The following CRYBG3 variants were observed in gnomAD, a reference collection of about 807,000 sequenced individuals.
CRYBG3 encodes very large A-kinase anchor protein.
Under a neutral mutation model 244.2 loss-of-function variants are expected in CRYBG3, and 127 were observed. The ratio of observed to expected loss-of-function variants is 0.52; its 90% CI spans 0.45 to 0.60. The LOEUF is 0.60. Ranked by LOEUF, CRYBG3 falls within the 20% of genes least tolerant of loss-of-function variation. CRYBG3 has a pLI of 0.00. For synonymous variants in CRYBG3, 1,132 were observed against 1,195.8 expected (o/e 0.95, Z 1.10); for missense variants, 3,325 against 3,442.5 (o/e 0.97, Z 0.85).
At chr3:97,896,786 A>G (rs1387210741) in intron 12 of CRYBG3, among the ~76,000 whole-genome samples, 1 of 152,150 alleles carries the variant, frequency 6.6e-6, no homozygotes, top group Non-Finnish European at 1.5e-5. Flanking sequence ...AAACCCTTAC[A>G]ATGTGAAGGA....
intron 3 of CRYBG3, among the ~76,000 whole-genome samples, chr3:97,868,754 T>C (rs2039266714): frequency 6.6e-6 from 1 of 152,174 alleles, no homozygotes; most frequent in South Asian, 2.1e-4. Flanking sequence ...CTGTGGTCTA[T>C]TAGAAGTCCT....
Position 97,933,841 on chromosome 3 carries a change from T to C in CRYBG3, c.8381+8T>C. On this transcript the variant is annotated splice_region_variant and intron_variant, in intron 18 of 21. Coordinates refer to ENST00000389622, the MANE Select transcript of CRYBG3 (RefSeq NM_153605.4). ...GTGGGTAAAAAGTGGACTGTAAGTA[T>C]GGGAAAAAGGCTTGGTCTGGTTCAG... The C allele has an allele frequency of 6.2e-7, 1 of 1,609,980 alleles. No individual in the cohort carries two copies. The highest frequency in any genetic ancestry group is 8.5e-7 in the Non-Finnish European group (1 of 1,177,758).
chr3:97,930,437 T>C (rs1161342909), intron 17 of CRYBG3, among the ~76,000 whole-genome samples: 1 of 152,094 alleles, frequency 6.6e-6, no homozygotes, highest in Non-Finnish European at 1.5e-5. Flanking sequence ...ATGCTTCCAA[T>C]TTATTTTGCA....
At chr3:97,937,738 G>T (rs1272535647) in intron 19 of CRYBG3, among the ~76,000 whole-genome samples, 1 of 151,996 alleles carries the variant, frequency 6.6e-6, no homozygotes, top group Non-Finnish European at 1.5e-5. Context: ...TACCCCTAGT[G>T]CCTGAAACAA....
intron 17 of CRYBG3, among the ~76,000 whole-genome samples, chr3:97,930,858 C>T (rs2040089919): frequency 6.6e-6 from 1 of 152,064 alleles, no homozygotes; most frequent in Non-Finnish European, 1.5e-5. Flanking sequence ...GAAATTTATT[C>T]ACACATTTCC....
intron 2 of CRYBG3, among the ~76,000 whole-genome samples, chr3:97,844,176 A>T (rs774030066): frequency 3.9e-5 from 6 of 152,188 alleles, no homozygotes; most frequent in Non-Finnish European, 5.9e-5. Flanking sequence ...TAATAAAAAA[A>T]TACTTATTGA....
chr3:97,847,281 AAAC>A (rs927992130), intron 2 of CRYBG3, among the ~76,000 whole-genome samples: 24 of 152,174 alleles, frequency 1.6e-4, no homozygotes, highest in African/African-American at 4.6e-4. Context: ...TTATAACTAA[AAAC>A]AACAACAACA....
chr3:97,925,839 T>C (rs958110633), intron 17 of CRYBG3, among the ~76,000 whole-genome samples: 8 of 150,486 alleles, frequency 5.3e-5, no homozygotes, highest in African/African-American at 1.9e-4. Flanking sequence ...TTTTAAAATG[T>C]ATCATAATTT....
chr3:97,907,971 A>G (rs2108246656), intron 15 of CRYBG3, among the ~76,000 whole-genome samples: 1 of 152,220 alleles, frequency 6.6e-6, no homozygotes, highest in Middle Eastern at 3.4e-3. Context: ...GGTTTCAAAG[A>G]ACATCTTTAT....
chr3:97,875,402 A>G lies in CRYBG3; in HGVS notation c.4208A>G (p.Lys1403Arg). 1 of 1,408,732 alleles carries G rather than the reference A, an allele frequency of 7.1e-7. No individual in the cohort carries two copies. Among genetic ancestry groups the G allele is most frequent in the South Asian group, 1.7e-5 (1 of 60,064 alleles). 87.3% of individuals were successfully genotyped at this position (1,408,732 alleles called of 1,614,324 possible). The change falls in exon 4 of 22, where the codon AAA becomes AGA. Residue 1403 changes from lysine (K) to arginine (R), a missense_variant. By Grantham distance (26) the Lys-to-Arg change is conservative. Coordinates refer to ENST00000389622, the MANE Select transcript of CRYBG3 (RefSeq NM_153605.4). Reference protein sequence around the residue: ...IKGGEIVLYQKSLFSGNGSGL... With the variant: ...IKGGEIVLYQRSLFSGNGSGL... ...GGAGGAGAAATTGTTCTCTACCAAA[A>G]ATCCCTATTTTCTGGAAATGGATCT...
At chr3:97,878,889 T>C (rs1302381786) in intron 4 of CRYBG3, among the ~76,000 whole-genome samples, 1 of 152,204 alleles carries the variant, frequency 6.6e-6, no homozygotes, top group Non-Finnish European at 1.5e-5. Context: ...TATTTAAATA[T>C]TTAATGTAGA....
At position 97,879,976 on chromosome 3, in the gene CRYBG3, G is replaced by A. The variant is rs62264211; in HGVS notation, c.6889-9G>A. The A allele has an allele frequency of 3.3e-3, 4,339 of 1,329,304 alleles. 24 individuals carry two copies. The highest frequency in any genetic ancestry group is 0.015 in the Middle Eastern group (80 of 5,452). 82.3% of individuals were successfully genotyped at this position (1,329,304 alleles called of 1,614,324 possible). The stretch of plus-strand genomic sequence containing the variant: ...TTGTAACTACTTACTGCTATTTACT[G>A]TGTTGCAGATGGTTATCTATGATCT... On this transcript the variant is annotated splice_polypyrimidine_tract_variant and intron_variant, in intron 5 of 21. Coordinates refer to ENST00000389622, the MANE Select transcript of CRYBG3 (RefSeq NM_153605.4).
At chr3:97,854,008 G>A (rs2039026994) in intron 2 of CRYBG3, among the ~76,000 whole-genome samples, 2 of 152,184 alleles carry the variant, frequency 1.3e-5, no homozygotes, top group Admixed American at 6.5e-5. Flanking sequence ...TGTATAAGGT[G>A]AGAGATGAGG....
chr3:97,845,552 GT>G (rs1339597757), intron 2 of CRYBG3, among the ~76,000 whole-genome samples: 1 of 152,142 alleles, frequency 6.6e-6, no homozygotes, highest in African/African-American at 2.4e-5. Flanking sequence ...TTTGATCATT[GT>G]CTTGTAGCCT....
intron 15 of CRYBG3, among the ~76,000 whole-genome samples, chr3:97,909,105 G>C (rs926712848): frequency 6.6e-6 from 1 of 152,166 alleles, no homozygotes; most frequent in African/African-American, 2.4e-5. Flanking sequence ...TAGGGTTTCT[G>C]CCGAGAGATC....
chr3:97,935,406 G>A (rs1245279057), intron 18 of CRYBG3, among the ~76,000 whole-genome samples: 2 of 151,886 alleles, frequency 1.3e-5, no homozygotes, highest in African/African-American at 4.8e-5. Context: ...AGGAAGGAGG[G>A]GTCAAGAATG....
chr3:97,889,964 A>G (rs1057115771), intron 10 of CRYBG3, among the ~76,000 whole-genome samples: 1 of 152,176 alleles, frequency 6.6e-6, no homozygotes, highest in African/African-American at 2.4e-5. Context: ...AAACCAGTAC[A>G]GTGATAAAAG....
At chr3:97,914,250 A>T (rs149300458) in intron 16 of CRYBG3, among the ~76,000 whole-genome samples, 3 of 152,022 alleles carry the variant, frequency 2.0e-5, no homozygotes, top group African/African-American at 7.2e-5. Context: ...GAGATCTGCA[A>T]CTCTAATAAG....
rs755726291 is a variant in CRYBG3, at chr3:97,877,147, A to G, written c.5953A>G (p.Asn1985Asp). Residue 1985 changes from asparagine to aspartate, a missense_variant, in exon 4 of 22, where the codon AAT (asparagine) becomes GAT (aspartate). By Grantham distance (23) the Asn-to-Asp change is conservative. Coordinates refer to ENST00000389622, the MANE Select transcript of CRYBG3 (RefSeq NM_153605.4). Reference sequence around the variant, plus strand: ...GACAGATTATAGTGACAAAGGATATAATTTAGCTTTTGTTTCTCAAGATGA... The same window carrying G: ...GACAGATTATAGTGACAAAGGATATGATTTAGCTTTTGTTTCTCAAGATGA... ...RETDYSDKGY[N>D]LAFVSQDEQE... 37 of 1,613,906 alleles carry G rather than the reference A, an allele frequency of 2.3e-5. No homozygotes were observed. Among genetic ancestry groups the G allele is most frequent in the Non-Finnish European group, 3.4e-6 (4 of 1,179,946 alleles).
Sources: allele counts gnomAD v4.1 joint callset (sites outside exome capture counted in the v4.1 genomes callset), GRCh38; gene constraint gnomAD v4.1.1; transcripts MANE v1.5; gene names NCBI Gene and HGNC (gene_info 2026-07-23, HGNC 2026-07-21).